Variants in DIS3L2 observed in about 807,000 individuals in gnomAD.
DIS3L2 encodes the protein DIS3-like exonuclease 2.
A neutral mutation model predicts 97.5 loss-of-function variants in DIS3L2; 34 were observed. The ratio of observed to expected loss-of-function variants is 0.35; its 90% CI spans 0.27 to 0.46. The LOEUF (loss-of-function observed/expected upper bound fraction) is 0.46. Among genes scored for constraint, DIS3L2 ranks in the 20% least tolerant of loss-of-function variants. The pLI is 1.00. For missense variants in DIS3L2, 1,038 were observed against 1,146.0 expected, an observed-to-expected ratio of 0.91 and a Z score of 1.36; for synonymous variants, 435 against 445.2, an observed-to-expected ratio of 0.98 and a Z score of 0.29.
Position 232,037,659 on chromosome 2 carries a change from G to A in DIS3L2, c.366+7579G>A, listed in dbSNP as rs758990840. On this transcript the variant is annotated intron_variant, in intron 5 of 20. Coordinates refer to ENST00000325385, the MANE Select transcript of DIS3L2 (RefSeq NM_152383.5). This position sits in a 1 kb window ranked among gnomAD's most constrained non-coding sequence, Gnocchi z 4.6. ...TTTGTACTTGAAACCCAGGGCCCTTGTGGTATAGGCACCCGAGGGAATCTC... is the reference window on the plus strand; with the variant it reads ...TTTGTACTTGAAACCCAGGGCCCTTATGGTATAGGCACCCGAGGGAATCTC... Among the ~76,000 whole-genome samples, 1 of 152,224 alleles carries A rather than the reference G, an allele frequency of 6.6e-6. No individual in the cohort carries two copies. Among genetic ancestry groups the A allele is most frequent in the Non-Finnish European group, 1.5e-5 (1 of 68,034 alleles).
chr2:232,138,403 A>G (rs1698419824), intron 8 of DIS3L2, among the ~76,000 whole-genome samples: 1 of 152,172 alleles, frequency 6.6e-6, no homozygotes, highest in East Asian at 1.9e-4. Context: ...CTTTTTCTCT[A>G]CCTTCTTAAT....
At chr2:232,271,584 C>T (rs948049122) in intron 13 of DIS3L2, among the ~76,000 whole-genome samples, 3 of 152,214 alleles carry the variant, frequency 2.0e-5, no homozygotes, top group African/African-American at 7.2e-5. Context: ...TAGCCTCCTA[C>T]ATTTTCCCAG....
chr2:231,987,981 T>G lies in DIS3L2; in HGVS notation c.-94+26216T>G, dbSNP rs111619483. On this transcript the variant is annotated intron_variant, in intron 1 of 20. Coordinates refer to ENST00000325385, the MANE Select transcript of DIS3L2 (RefSeq NM_152383.5). ...GCCTCAGCCTCCCAAGTAGCTGGGA[T>G]TAAAAGCATGTGCCACCACGCCCAG... 3.7e-3 allele frequency among the ~76,000 whole-genome samples: 568 copies of G among 152,248 alleles called. 5 individuals are homozygous for G. The highest frequency in any genetic ancestry group is 0.013 in the African/African-American group (520 of 41,552).
rs1491319157 is a variant in DIS3L2 at position 232,270,860 on chromosome 2, G to GTCCCTCTCTCTCTCTC, written c.1659+7422_1659+7423insCCTCTCTCTCTCTCTC. On this transcript the variant is annotated intron_variant, in intron 13 of 20. Coordinates refer to ENST00000325385, the MANE Select transcript of DIS3L2 (RefSeq NM_152383.5). ...CGCACTCGCGCGCTCTCTTTTTCTC[G>GTCCCTCTCTCTCTCTC]TCTCTCTCTCTCTCTCTCTCTCTCT... Among the ~76,000 whole-genome samples the GTCCCTCTCTCTCTCTC allele has an allele frequency of 4.8e-4, 50 of 103,874 alleles. 6 individuals are homozygous for GTCCCTCTCTCTCTCTC. In the East Asian group the frequency reaches 9.9e-3, roughly 21 times the overall value. 68.1% of individuals were successfully genotyped at this position (103,874 alleles called of 152,430 possible). A position where few individuals can be genotyped will look rare whatever the true frequency, so the allele number is the denominator to read the frequency against.
At chr2:232,170,463 A>C (rs1298217673) in intron 9 of DIS3L2, among the ~76,000 whole-genome samples, 1 of 152,158 alleles carries the variant, frequency 6.6e-6, no homozygotes, top group Non-Finnish European at 1.5e-5. Context: ...GGTGGTTTCT[A>C]TAGCTTTTTA....
At chr2:232,323,473 A>C in intron 14 of DIS3L2, among the ~76,000 whole-genome samples, 1 of 152,186 alleles carries the variant, frequency 6.6e-6, no homozygotes, top group East Asian at 1.9e-4. Flanking sequence ...AAACAGGTGC[A>C]GAATGTGTCT....
chr2:232,333,263 G>GCCT (rs1278324958), intron 16 of DIS3L2, among the ~76,000 whole-genome samples: 1 of 103,916 alleles, frequency 9.6e-6, no homozygotes, highest in Non-Finnish European at 2.0e-5. Flanking sequence ...CTCCGCTGTC[G>GCCT]CCTCCTCCTC....
At chr2:232,091,290 C>T (rs1696830550) in intron 6 of DIS3L2, among the ~76,000 whole-genome samples, 1 of 152,130 alleles carries the variant, frequency 6.6e-6, no homozygotes, top group Admixed American at 6.5e-5. Context: ...TTAACCATTG[C>T]CACTTCTCCC....
At chr2:232,318,197 T>G (rs1695330633) in intron 14 of DIS3L2, among the ~76,000 whole-genome samples, 1 of 152,226 alleles carries the variant, frequency 6.6e-6, no homozygotes, top group South Asian at 2.1e-4. Flanking sequence ...CAAGGGTAAC[T>G]TGCAAGAATC....
At chr2:232,120,786 A>G (rs538590773) in intron 6 of DIS3L2, among the ~76,000 whole-genome samples, 1 of 152,104 alleles carries the variant, frequency 6.6e-6, no homozygotes, top group African/African-American at 2.4e-5. Context: ...CAAATGGCTT[A>G]TGTCTAATCT....
chr2:232,164,453 C>T (rs1690743412), intron 9 of DIS3L2, among the ~76,000 whole-genome samples: 1 of 152,140 alleles, frequency 6.6e-6, no homozygotes, highest in Non-Finnish European at 1.5e-5. Context: ...TTTCATACAA[C>T]CCACTGAGGC....
chr2:232,130,681 A>G lies in DIS3L2; in HGVS notation c.664A>G (p.Arg222Gly), dbSNP rs764220626. Residue 222 changes from arginine to glycine, a missense_variant, in exon 7 of 21, where the codon AGA (arginine) becomes GGA (glycine). By Grantham distance (125) the Arg-to-Gly change is moderately radical (BLOSUM62 -2). Around this residue, in one of 3 missense-constraint regions of DIS3L2, gnomAD observed 813 missense variants for 880.1 expected, o/e 0.92. Transcript: ENST00000325385. ...DETTCISQDT[R>G]ALSEKSLQRS... is the part of the protein sequence containing the mutation. Reference sequence around the variant, plus strand: ...GACCACCTGCATTTCACAAGACACAAGAGCTTTATCGGAGAAATCCCTGCA... The same window carrying G: ...GACCACCTGCATTTCACAAGACACAGGAGCTTTATCGGAGAAATCCCTGCA... 6.8e-6 allele frequency: 11 copies of G among 1,613,910 alleles called. No homozygotes were observed. The highest frequency in any genetic ancestry group is 9.3e-6 in the Non-Finnish European group (11 of 1,179,930).
intron 7 of DIS3L2, among the ~76,000 whole-genome samples, chr2:232,135,866 TGAG>T (rs991512392): frequency 1.3e-5 from 2 of 151,926 alleles, no homozygotes; most frequent in African/African-American, 4.8e-5. Context: ...AAGAATGTGT[TGAG>T]GAGGGGGTGG....
chr2:232,223,580 G>C (rs1692562068), intron 10 of DIS3L2, among the ~76,000 whole-genome samples: 1 of 152,142 alleles, frequency 6.6e-6, no homozygotes, highest in African/African-American at 2.4e-5. Flanking sequence ...CACAAAAGTA[G>C]TTTGTATAAC....
At chr2:232,059,533 T>C (rs778944812) in intron 5 of DIS3L2, among the ~76,000 whole-genome samples, 2 of 152,188 alleles carry the variant, frequency 1.3e-5, no homozygotes, top group Non-Finnish European at 2.9e-5. Context: ...GCAGGTTTGT[T>C]ACCTGACTAT....
intron 14 of DIS3L2, among the ~76,000 whole-genome samples, chr2:232,307,186 A>C (rs1695006985): frequency 1.3e-5 from 2 of 152,092 alleles, no homozygotes; most frequent in Non-Finnish European, 2.9e-5. Flanking sequence ...GATGCTTTTG[A>C]GGTCAAGGTC....
intron 6 of DIS3L2, among the ~76,000 whole-genome samples, chr2:232,095,087 T>G (rs577565014): frequency 7.2e-5 from 11 of 152,290 alleles, no homozygotes; most frequent in Admixed American, 2.0e-4. Flanking sequence ...GATCATTGCA[T>G]CTTGTTTTTT....
Position 232,130,702 on chromosome 2 carries a change from C to T in DIS3L2, c.685C>T (p.Leu229=), listed in dbSNP as rs73003124. The stretch of plus-strand genomic sequence containing the variant: ...CACAAGAGCTTTATCGGAGAAATCC[C>T]TGCAAAGATCAGCAAAGGTCATTGC... ...QDTRALSEKS[L]QRSAKVVYIL... Residue 229 remains leucine (L), a synonymous_variant, in exon 7 of 21, where the codon CTG becomes TTG. Coordinates refer to ENST00000325385, the MANE Select transcript of DIS3L2 (RefSeq NM_152383.5). The T allele has an allele frequency of 6.2e-7, 1 of 1,613,882 alleles. No individual in the cohort carries two copies. The highest frequency in any genetic ancestry group is 1.1e-5 in the South Asian group (1 of 91,046).
chr2:232,204,962 C>T (rs966499685), intron 9 of DIS3L2, among the ~76,000 whole-genome samples: 15 of 152,032 alleles, frequency 9.9e-5, no homozygotes, highest in Admixed American at 3.3e-4. Flanking sequence ...GGTCACTCAC[C>T]GTTCCTTTGC....
Sources: gnomAD v4.1 joint callset for allele counts (sites outside exome capture counted in the v4.1 genomes callset) on GRCh38, gnomAD v4.1.1 for gene constraint, gnomAD v4.1.1 regional missense constraint, Gnocchi (gnomAD v3.1) non-coding constraint, MANE v1.5 for transcripts, NCBI Gene and HGNC (gene_info 2026-07-23, HGNC 2026-07-21) for gene names.